The following TMEM132B variants were observed in gnomAD, a reference collection of about 807,000 sequenced individuals.
TMEM132B encodes transmembrane protein 132B.
A neutral mutation model predicts 90.8 loss-of-function variants in TMEM132B; 18 were observed. That is an observed-to-expected ratio of 0.20 (90% CI 0.14 to 0.29). The LOEUF is 0.29. Among genes scored for constraint, TMEM132B ranks in the 10% least tolerant of loss-of-function variants. The pLI, the probability that TMEM132B is intolerant of heterozygous loss-of-function variation, is 1.00. For synonymous variants in TMEM132B, 504 were observed against 523.3 expected (o/e 0.96, Z 0.50); for missense variants, 1,096 against 1,326.8 (o/e 0.83, Z 2.70).
intron 1 of TMEM132B, among the ~76,000 whole-genome samples, chr12:125,265,232 G>A (rs1007420129): frequency 1.3e-5 from 2 of 152,142 alleles, no homozygotes; most frequent in Non-Finnish European, 2.9e-5. Flanking sequence ...AGTATTCCCC[G>A]CTTGTCTGCA....
chr12:125,389,895 T>A (rs1566020814), intron 2 of TMEM132B, among the ~76,000 whole-genome samples: 1 of 152,242 alleles, frequency 6.6e-6, no homozygotes, highest in Non-Finnish European at 1.5e-5. Context: ...AAACTTTATA[T>A]AGACATATAC....
intron 4 of TMEM132B, among the ~76,000 whole-genome samples, chr12:125,580,574 A>C (rs918833570): frequency 1.1e-4 from 17 of 152,006 alleles, no homozygotes; most frequent in Admixed American, 4.6e-4. Context: ...ATACTACAGC[A>C]CTAGAAAGTG....
At chr12:125,323,431 G>A (rs935749588) in intron 1 of TMEM132B, among the ~76,000 whole-genome samples, 5 of 113,726 alleles carry the variant, frequency 4.4e-5, no homozygotes, top group Non-Finnish European at 8.9e-5. Context: ...GCGAGACTCT[G>A]CCTCAAAAAA....
chr12:125,405,619 G>A (rs1433199882), intron 2 of TMEM132B, among the ~76,000 whole-genome samples: 1 of 152,032 alleles, frequency 6.6e-6, no homozygotes, highest in East Asian at 1.9e-4. Context: ...CAGGTATAGT[G>A]GCCAGATGGG....
intron 3 of TMEM132B, among the ~76,000 whole-genome samples, chr12:125,440,198 C>T (rs1483279131): frequency 6.6e-6 from 1 of 151,960 alleles, no homozygotes; most frequent in Non-Finnish European, 1.5e-5. Flanking sequence ...TTTCTGGAAG[C>T]TAGTTGTTGT....
intron 1 of TMEM132B, among the ~76,000 whole-genome samples, chr12:125,195,839 G>GA (rs1457708458): frequency 6.6e-6 from 1 of 152,154 alleles, no homozygotes; most frequent in Non-Finnish European, 1.5e-5. Context: ...CCTGAGGTGG[G>GA]AATGTGCTTG....
chr12:125,406,330 T>A lies in TMEM132B; in HGVS notation c.960-9201T>A, dbSNP rs2136330075. ...AGAAGCGATACTACCCCTGCGGGGTTGCACGAGGCATCTGTGTATTAGCAG... is the reference window on the plus strand; with the variant it reads ...AGAAGCGATACTACCCCTGCGGGGTAGCACGAGGCATCTGTGTATTAGCAG... On this transcript the variant is annotated intron_variant, in intron 2 of 8. Transcript: ENST00000682704. This position sits in a 1 kb window ranked among gnomAD's most constrained non-coding sequence, Gnocchi z 8.3. 6.6e-6 allele frequency among the ~76,000 whole-genome samples: 1 copy of A among 152,354 alleles called. No homozygotes were observed. The highest frequency in any genetic ancestry group is 2.1e-4 in the South Asian group (1 of 4,830).
intron 1 of TMEM132B, among the ~76,000 whole-genome samples, chr12:125,191,403 G>A (rs1479833366): frequency 6.6e-6 from 1 of 152,122 alleles, no homozygotes; most frequent in Non-Finnish European, 1.5e-5. Flanking sequence ...GAGGTCCAGA[G>A]ATGCTAAGTA....
intron 5 of TMEM132B, among the ~76,000 whole-genome samples, chr12:125,599,494 GCTCT>G (rs1885521713): frequency 6.6e-6 from 1 of 152,090 alleles, no homozygotes; most frequent in South Asian, 2.1e-4. Context: ...TGACTCTTAC[GCTCT>G]CTGTGTGGCC....
chr12:125,509,975 C>T (rs915825990), intron 3 of TMEM132B, among the ~76,000 whole-genome samples: 3 of 152,138 alleles, frequency 2.0e-5, no homozygotes, highest in African/African-American at 7.2e-5. Flanking sequence ...ATGTAACAAG[C>T]GTTTTCCTCC....
chr12:125,543,990 C>T (rs955982131), intron 4 of TMEM132B, among the ~76,000 whole-genome samples: 8 of 152,160 alleles, frequency 5.3e-5, no homozygotes, highest in African/African-American at 1.9e-4. Context: ...AAACTGTGTA[C>T]ATATAACACC....
intron 1 of TMEM132B, among the ~76,000 whole-genome samples, chr12:125,257,969 A>G (rs143565155): frequency 1.3e-5 from 2 of 152,334 alleles, no homozygotes; most frequent in African/African-American, 4.8e-5. Context: ...GTAAATGTGT[A>G]TTGTCTTAAG....
chr12:125,245,386 C>G (rs1319255277), intron 1 of TMEM132B, among the ~76,000 whole-genome samples: 1 of 151,042 alleles, frequency 6.6e-6, no homozygotes, highest in Non-Finnish European at 1.5e-5. Context: ...CCGCCCACCC[C>G]TCTGCAGGTT....
At chr12:125,612,601 A>G (rs1407366057) in intron 5 of TMEM132B, among the ~76,000 whole-genome samples, 2 of 145,280 alleles carry the variant, frequency 1.4e-5, no homozygotes, top group Non-Finnish European at 3.0e-5. Flanking sequence ...TATACTTCAA[A>G]CAGTATATAT....
intron 3 of TMEM132B, among the ~76,000 whole-genome samples, chr12:125,509,572 C>G (rs181759179): frequency 6.6e-6 from 1 of 151,894 alleles, no homozygotes; most frequent in African/African-American, 2.4e-5. Context: ...GTAGGTGCAT[C>G]GAATATCTCT....
intron 5 of TMEM132B, chr12:125,622,411 C>A: frequency 1.1e-6 from 1 of 938,606 alleles, no homozygotes; most frequent in Non-Finnish European, 1.3e-6. Flanking sequence ...AATAAGTCAC[C>A]ATGGGAGCCA....
chr12:125,535,934 T>C (rs1308580000), intron 4 of TMEM132B, among the ~76,000 whole-genome samples: 2 of 152,234 alleles, frequency 1.3e-5, no homozygotes, highest in African/African-American at 4.8e-5. Context: ...GCCTCTACTC[T>C]GTGATTTTAC....
chr12:125,224,928 T>A (rs1873643815), intron 1 of TMEM132B, among the ~76,000 whole-genome samples: 1 of 152,222 alleles, frequency 6.6e-6, no homozygotes, highest in Non-Finnish European at 1.5e-5. Flanking sequence ...TTTTTTGCAT[T>A]CTTTCTTTCC....
Position 125,325,668 on chromosome 12 carries a change from C to CGTGTGT in TMEM132B, c.68-23784_68-23783insGTGTGT, listed in dbSNP as rs1876540681. Among the ~76,000 whole-genome samples the CGTGTGT allele has an allele frequency of 3.4e-4, 47 of 139,466 alleles. 1 individual carries two copies. The highest frequency in any genetic ancestry group is 1.1e-3 in the African/African-American group (42 of 37,110). The allele number at this position is 139,466 out of a possible 152,430, so 91.5% of individuals were successfully genotyped here. On this transcript the variant is annotated intron_variant, in intron 1 of 8. Coordinates refer to ENST00000682704, the MANE Select transcript of TMEM132B (RefSeq NM_001366854.1). ...CTTGCATTCTTTCCCTGCCTCCCAC[C>CGTGTGT]CTGTGTGTGTGTGTGTGTGTGTGTG...
Sources: allele counts gnomAD v4.1 joint callset (sites outside exome capture counted in the v4.1 genomes callset), GRCh38; gene constraint gnomAD v4.1.1; non-coding constraint Gnocchi (gnomAD v3.1); transcripts MANE v1.5; gene names NCBI Gene and HGNC (gene_info 2026-07-23, HGNC 2026-07-21).